Variants in NUP188 observed in about 807,000 individuals in gnomAD.
The protein encoded by NUP188 is nucleoporin 188.
Under a neutral mutation model 223.0 loss-of-function variants are expected in NUP188, and 97 were observed. The observed-to-expected ratio is 0.43, with a 90% CI of 0.37 to 0.51. The LOEUF (loss-of-function observed/expected upper bound fraction) is 0.51. Ranked by LOEUF, NUP188 falls within the 20% of genes least tolerant of loss-of-function variation. NUP188 has a pLI of 0.00. For missense variants in NUP188, 1,947 were observed against 2,175.6 expected (o/e 0.89, Z 2.09); for synonymous variants, 869 against 828.0 (o/e 1.05, Z -0.85).
intron 16 of NUP188, 91 bp from the exon 17 acceptor site, chr9:128,982,811 T>G (rs1842274865): frequency 1.3e-6 from 2 of 1,589,404 alleles, no homozygotes; most frequent in Admixed American, 1.7e-5. Context: ...AGATTGTGAT[T>G]TGTCTGATTT....
rs901088599 is a variant in NUP188, at chr9:128,980,520, A to C, written c.1270-86A>C. 13 of 1,431,956 alleles carry C rather than the reference A, an allele frequency of 9.1e-6. No individual in the cohort carries two copies. In the African/African-American group the frequency reaches 1.6e-4, roughly 17 times the overall value. The allele number at this position is 1,431,956 out of a possible 1,614,324, so 88.7% of individuals were successfully genotyped here. On this transcript the variant is annotated intron_variant, in intron 13 of 43. Coordinates refer to ENST00000372577, the MANE Select transcript of NUP188 (RefSeq NM_015354.3). ...TGTCTAAAAGGAAGGATTAATTCTAAATTTTCTCATGATTGCTGGGAAATT... is the reference window on the plus strand; with the variant it reads ...TGTCTAAAAGGAAGGATTAATTCTACATTTTCTCATGATTGCTGGGAAATT...
intron 29 of NUP188, 43 bp downstream of exon 29, chr9:128,994,966 G>A (rs745465579): frequency 1.4e-6 from 2 of 1,465,402 alleles, no homozygotes; most frequent in Admixed American, 1.7e-5. Flanking sequence ...AAGGTTGGGG[G>A]AGTGGGAGTT....
intron 8 of NUP188, 121 bp from the exon 9 acceptor site, chr9:128,968,385 A>G: frequency 1.4e-6 from 1 of 714,218 alleles, no homozygotes; most frequent in Non-Finnish European, 2.3e-6. Context: ...AGCAGCCATA[A>G]TCTGCCACTG....
At chr9:128,964,065 A>G (rs575242939) in intron 8 of NUP188, among the ~76,000 whole-genome samples, 2 of 152,004 alleles carry the variant, frequency 1.3e-5, no homozygotes, top group Admixed American at 6.6e-5. Context: ...CCACCCGCCT[A>G]GGCCTCCCAA....
intron 4 of NUP188, 111 bp downstream of exon 4, chr9:128,956,545 G>GT: frequency 3.4e-6 from 2 of 595,106 alleles, no homozygotes; most frequent in Non-Finnish European, 5.7e-6. Context: ...GGATTAAATT[G>GT]TTTTATAAAT....
intron 8 of NUP188, among the ~76,000 whole-genome samples, chr9:128,960,965 G>A (rs1356873064): frequency 2.0e-5 from 3 of 151,684 alleles, no homozygotes; most frequent in African/African-American, 4.8e-5. Flanking sequence ...CCCATCTGTA[G>A]TCTCAGCTAC....
At chr9:128,977,332 G>A (rs561899917) in intron 12 of NUP188, among the ~76,000 whole-genome samples, 2 of 151,872 alleles carry the variant, frequency 1.3e-5, no homozygotes, top group East Asian at 4.0e-4. Context: ...TGGTAGCCAG[G>A]ATGGTCTCGA....
Position 129,001,626 on chromosome 9 carries a change from C to A in NUP188, c.3941C>A (p.Pro1314His). The change falls in exon 35 of 44, where the codon CCC (proline) becomes CAC (histidine). Residue 1314 changes from proline to histidine, a missense_variant. By Grantham distance (77) the Pro-to-His change is moderately conservative (BLOSUM62 -2). This residue lies in a region of NUP188 where 905 missense variants were observed against 990.6 expected (regional missense o/e 0.91). Coordinates refer to ENST00000372577, the MANE Select transcript of NUP188 (RefSeq NM_015354.3). ...GTAACCCGCAGGCTCCCCATCCTACCCACCCTCCTCACCACTCTAGAGGTG... is the reference window on the plus strand; with the variant it reads ...GTAACCCGCAGGCTCCCCATCCTACACACCCTCCTCACCACTCTAGAGGTG... ...LQVTRRLPIL[P>H]TLLTTLEVSL... The A allele has an allele frequency of 6.2e-7, 1 of 1,614,008 alleles. No homozygotes were observed. Among genetic ancestry groups the A allele is most frequent in the South Asian group, 1.1e-5 (1 of 91,078 alleles).
At chr9:128,954,045 G>C (rs1375005108) in intron 3 of NUP188, among the ~76,000 whole-genome samples, 1 of 151,974 alleles carries the variant, frequency 6.6e-6, no homozygotes, top group East Asian at 1.9e-4. Context: ...GGCCAGGCTG[G>C]CCTTGAACTC....
chr9:128,961,622 A>ATAGATAGATAGATT (rs774001270), intron 8 of NUP188, among the ~76,000 whole-genome samples: 1 of 133,956 alleles, frequency 7.5e-6, no homozygotes, highest in African/African-American at 2.9e-5. Context: ...AGATAGATAG[A>ATAGATAGATAGATT]TTTTTTTTTT....
chr9:128,998,438 G>A, intron 31 of NUP188, 100 bp from the exon 32 acceptor site: 1 of 1,136,308 alleles, frequency 8.8e-7, no homozygotes. Context: ...ACTCCTGTGA[G>A]CTCACTGCTG....
chr9:128,993,763 C>A, intron 27 of NUP188, 69 bp downstream of exon 27: 1 of 1,434,410 alleles, frequency 7.0e-7, no homozygotes, highest in Non-Finnish European at 9.6e-7. Flanking sequence ...AGCTCTTATC[C>A]CAGAGGTTTG....
chr9:128,960,016 T>C (rs1564551302), intron 8 of NUP188, among the ~76,000 whole-genome samples: 1 of 151,880 alleles, frequency 6.6e-6, no homozygotes, highest in South Asian at 2.1e-4. Flanking sequence ...TATCATCTTA[T>C]TATTTTCTGC....
intron 23 of NUP188, 90 bp downstream of exon 23, chr9:128,987,807 T>TCC: frequency 6.7e-7 from 1 of 1,501,958 alleles, no homozygotes; most frequent in Non-Finnish European, 9.1e-7. Context: ...TGCAGTAGCT[T>TCC]TTAGAAGACG....
At chr9:128,999,542 C>A in intron 33 of NUP188, 82 bp from the exon 34 acceptor site, 1 of 1,414,642 alleles carries the variant, frequency 7.1e-7, no homozygotes, top group South Asian at 1.2e-5. Flanking sequence ...CATCTCCAGC[C>A]CCTTCCTAGG....
chr9:128,975,362 A>G (rs12347719), intron 12 of NUP188, among the ~76,000 whole-genome samples: 1 of 144,360 alleles, frequency 6.9e-6, no homozygotes, highest in African/African-American at 2.6e-5. Flanking sequence ...TAGCTGGGAC[A>G]ACAGGCGCCT....
rs1842320727 is a variant in NUP188, at chr9:128,985,492, T to TTTGAAAAATACTACTAATC, written c.2076+479_2076+480insTGAAAAATACTACTAATCT. On this transcript the variant is annotated intron_variant, in intron 20 of 43. Transcript: ENST00000372577. Reference sequence around the variant, plus strand: ...ACTGATCTCATAATCTACTAATGGGTTACAACTCGGTTTGAAAAATACTGA... The same window carrying TTTGAAAAATACTACTAATC: ...ACTGATCTCATAATCTACTAATGGGTTTGAAAAATACTACTAATCTACAACTCGGTTTGAAAAATACTGA... Among the ~76,000 whole-genome samples, 3 of 152,208 alleles carry TTTGAAAAATACTACTAATC rather than the reference T, an allele frequency of 2.0e-5. No homozygotes were observed. In the South Asian group the frequency reaches 6.2e-4, roughly 32 times the overall value.
chr9:129,006,580 C>T lies in NUP188; in HGVS notation c.5152C>T (p.Pro1718Ser). Residue 1718 changes from proline to serine, a missense_variant, in exon 44 of 44, where the codon CCG becomes TCG. Physicochemically the swap from Pro to Ser is moderately conservative, Grantham distance 74. Transcript: ENST00000372577. ...CCCTGCCACTGGTGTCCTCCCCTCG[C>T]CGCAGGGCAAGTCCACCTCTCTCTC... ...SSPATGVLPS[P>S]QGKSTSLSKA... 6.2e-7 allele frequency: 1 copy of T among 1,614,234 alleles called. No individual in the cohort carries two copies. Among genetic ancestry groups the T allele is most frequent in the Non-Finnish European group, 8.5e-7 (1 of 1,180,030 alleles).
chr9:128,970,187 C>G (rs1039694630), intron 10 of NUP188, among the ~76,000 whole-genome samples: 11 of 152,144 alleles, frequency 7.2e-5, no homozygotes, highest in African/African-American at 2.7e-4. Flanking sequence ...CTCAGCCTCC[C>G]AAAGTGCTGG....
Sources: gnomAD v4.1 joint callset for allele counts (sites outside exome capture counted in the v4.1 genomes callset) on GRCh38, gnomAD v4.1.1 for gene constraint, gnomAD v4.1.1 regional missense constraint, MANE v1.5 for transcripts, NCBI Gene and HGNC (gene_info 2026-07-23, HGNC 2026-07-21) for gene names.